The following YAP1 variants were observed in gnomAD, a reference collection of about 807,000 sequenced individuals.
The protein encoded by YAP1 is transcriptional coactivator YAP1.
A neutral mutation model predicts 56.9 loss-of-function variants in YAP1; 5 were observed. The observed-to-expected ratio is 0.09, with a 90% CI of 0.05 to 0.18. The LOEUF (loss-of-function observed/expected upper bound fraction) is 0.18, where lower values mean the gene tolerates loss of function less well. Among genes scored for constraint, YAP1 ranks in the 10% least tolerant of loss-of-function variants. The probability of loss-of-function intolerance (pLI) is 1.00; values close to 1 mark genes in which losing one functional copy is unlikely to be tolerated. For missense variants in YAP1, 539 were observed against 651.8 expected, an observed-to-expected ratio of 0.83 and a Z score of 1.88; for synonymous variants, 265 against 248.1, an observed-to-expected ratio of 1.07 and a Z score of -0.64.
At chr11:102,158,584 A>G (rs948623366) in intron 2 of YAP1, among the ~76,000 whole-genome samples, 2 of 152,034 alleles carry the variant, frequency 1.3e-5, no homozygotes, top group Non-Finnish European at 2.9e-5. Context: ...CTTGAATAGC[A>G]GGGGTATGAA....
At chr11:102,177,853 T>C (rs73582057) in intron 3 of YAP1, among the ~76,000 whole-genome samples, 6,710 of 152,180 alleles carry the variant, frequency 0.044, 506 homozygotes, top group African/African-American at 0.15. Flanking sequence ...GAGTCATTTA[T>C]GTGAATATGG....
chr11:102,151,743 G>A (rs1056572880), intron 2 of YAP1, among the ~76,000 whole-genome samples: 10 of 152,202 alleles, frequency 6.6e-5, no homozygotes, highest in African/African-American at 2.2e-4. Context: ...GGTTTAGTGC[G>A]GTTTTTTTGG....
intron 4 of YAP1, among the ~76,000 whole-genome samples, chr11:102,205,022 A>C (rs1175166526): frequency 6.6e-6 from 1 of 152,220 alleles, no homozygotes; most frequent in African/African-American, 2.4e-5. Flanking sequence ...TAACATTTTC[A>C]CATAAAACTT....
At chr11:102,225,276 A>G (rs1423658194) in intron 7 of YAP1, among the ~76,000 whole-genome samples, 1 of 152,138 alleles carries the variant, frequency 6.6e-6, no homozygotes, top group Non-Finnish European at 1.5e-5. Context: ...CACCTGGGGT[A>G]AGAGTTCGAG....
chr11:102,168,745 C>T (rs570569481), intron 3 of YAP1, among the ~76,000 whole-genome samples: 2 of 152,164 alleles, frequency 1.3e-5, no homozygotes, highest in African/African-American at 4.8e-5. Flanking sequence ...AGGTTTGCCT[C>T]TTGTGTTCTC....
At chr11:102,186,847 T>TGTGTGTGTGTGTGTGTG (rs1555013227) in intron 4 of YAP1, among the ~76,000 whole-genome samples, 32 of 151,424 alleles carry the variant, frequency 2.1e-4, no homozygotes, top group South Asian at 4.2e-4. Flanking sequence ...TGTGTGTGTG[T>TGTGTGTGTGTGTGTGTG]TTTAAACTGT....
chr11:102,171,486 A>G (rs1481446429), intron 3 of YAP1, among the ~76,000 whole-genome samples: 1 of 152,204 alleles, frequency 6.6e-6, no homozygotes, highest in Non-Finnish European at 1.5e-5. Flanking sequence ...AATCTTAATG[A>G]AAGGTATTAA....
chr11:102,111,975 TG>T (rs1234296181), intron 1 of YAP1, among the ~76,000 whole-genome samples: 11 of 152,172 alleles, frequency 7.2e-5, no homozygotes, highest in Non-Finnish European at 1.5e-4. Context: ...TGTTGGAACT[TG>T]GGCCGGCTTG....
chr11:102,181,911 C>T (rs1186184664), intron 3 of YAP1, among the ~76,000 whole-genome samples: 1 of 152,198 alleles, frequency 6.6e-6, no homozygotes, highest in Non-Finnish European at 1.5e-5. Flanking sequence ...ACCTCCACCT[C>T]CCAGATTCAA....
chr11:102,173,501 T>C (rs1323933803), intron 3 of YAP1, among the ~76,000 whole-genome samples: 2 of 152,214 alleles, frequency 1.3e-5, no homozygotes, highest in Non-Finnish European at 2.9e-5. Context: ...TAATATATCA[T>C]TGGACCAAAA....
intron 6 of YAP1, among the ~76,000 whole-genome samples, chr11:102,218,122 T>G (rs1949748439): frequency 6.6e-6 from 1 of 152,208 alleles, no homozygotes; most frequent in Admixed American, 6.5e-5. Flanking sequence ...TTTTCAAAAT[T>G]TACTTGGAAT....
intron 5 of YAP1, among the ~76,000 whole-genome samples, chr11:102,208,675 C>A (rs958249482): frequency 4.6e-5 from 7 of 152,010 alleles, no homozygotes; most frequent in Non-Finnish European, 1.0e-4. Flanking sequence ...AACCTATTTT[C>A]ATTGTTTTTC....
chr11:102,212,468 A>G (rs554799981), intron 6 of YAP1, among the ~76,000 whole-genome samples: 1 of 152,362 alleles, frequency 6.6e-6, no homozygotes, highest in African/African-American at 2.4e-5. Flanking sequence ...AAAGGCATTT[A>G]TATATCTTCT....
chr11:102,178,858 G>C (rs933447453), intron 3 of YAP1, among the ~76,000 whole-genome samples: 1 of 152,286 alleles, frequency 6.6e-6, no homozygotes, highest in Middle Eastern at 3.4e-3. Context: ...GCCAGCGTCT[G>C]CTTCTGGTGA....
intron 3 of YAP1, among the ~76,000 whole-genome samples, chr11:102,176,971 C>T (rs1238370332): frequency 6.6e-6 from 1 of 151,888 alleles, no homozygotes; most frequent in Non-Finnish European, 1.5e-5. Flanking sequence ...AGAGAGAAAG[C>T]AGCTGATGAA....
rs1032044135 is a variant in YAP1, at chr11:102,186,175, A to G, written c.802+44A>G. The G allele has an allele frequency of 1.6e-5, 25 of 1,592,144 alleles. 1 individual carries two copies. The highest frequency in any genetic ancestry group is 1.7e-4 in the Middle Eastern group (1 of 6,036). ...ACCTTTTTAGATGCTTTTGGTTGCT[A>G]ATTTTTTTTGTAAATATACTTCGGA... On this transcript the variant is annotated intron_variant, in intron 4 of 8. Transcript: ENST00000282441.
intron 4 of YAP1, among the ~76,000 whole-genome samples, chr11:102,197,787 G>A (rs1203773438): frequency 6.6e-6 from 1 of 152,118 alleles, no homozygotes; most frequent in Non-Finnish European, 1.5e-5. Flanking sequence ...GATTTCAATA[G>A]TTGATAGCCA....
intron 6 of YAP1, among the ~76,000 whole-genome samples, chr11:102,214,053 G>A (rs1480499066): frequency 1.3e-5 from 2 of 152,126 alleles, no homozygotes; most frequent in Non-Finnish European, 2.9e-5. Flanking sequence ...CTCCAGCCTG[G>A]GTGACAGAGT....
At chr11:102,200,269 A>T (rs1775787621) in intron 4 of YAP1, among the ~76,000 whole-genome samples, 1 of 152,224 alleles carries the variant, frequency 6.6e-6, no homozygotes, top group South Asian at 2.1e-4. Flanking sequence ...AGAAGATAAA[A>T]TTAGATCCAT....
Sources: gnomAD v4.1 joint callset for allele counts (sites outside exome capture counted in the v4.1 genomes callset) on GRCh38, gnomAD v4.1.1 for gene constraint, MANE v1.5 for transcripts, NCBI Gene and HGNC (gene_info 2026-07-23, HGNC 2026-07-21) for gene names.